The following KCNT2 variants were observed in gnomAD, a reference collection of about 807,000 sequenced individuals.
The protein encoded by KCNT2 is potassium sodium-activated channel subfamily T member 2, also known as potassium channel subfamily T member 2.
In KCNT2, 67 loss-of-function variants were observed where a neutral mutation model predicts 153.8. The observed-to-expected ratio is 0.44, with a 90% CI of 0.36 to 0.53. The LOEUF (loss-of-function observed/expected upper bound fraction) is 0.53. Among genes scored for constraint, KCNT2 ranks in the 20% least tolerant of loss-of-function variants. The pLI is 0.00. For synonymous variants in KCNT2, 500 were observed against 458.8 expected, an observed-to-expected ratio of 1.09 and a Z score of -1.15; for missense variants, 975 against 1,354.8, an observed-to-expected ratio of 0.72 and a Z score of 4.40.
chr1:196,369,594 C>T (rs1446880443), intron 14 of KCNT2, among the ~76,000 whole-genome samples: 6 of 151,482 alleles, frequency 4.0e-5, no homozygotes, highest in Non-Finnish European at 7.4e-5. Flanking sequence ...TTTGTTCCTG[C>T]GATAGTTTAC....
chr1:196,420,925 G>C, intron 12 of KCNT2, among the ~76,000 whole-genome samples: 1 of 151,974 alleles, frequency 6.6e-6, no homozygotes, highest in East Asian at 1.9e-4. Flanking sequence ...GATATGTACA[G>C]GGGTTCAAAG....
rs533460366 is a variant in KCNT2 at position 196,240,584 on chromosome 1, G to A, written c.3212-4514C>T. On this transcript the variant is annotated intron_variant, in intron 26 of 27. Transcript: ENST00000294725. ...GTGGGCATGCATAAATAGAGAAAGC[G>A]TGTTTTGAACAGATAGAAGGGCAAA... Among the ~76,000 whole-genome samples, 118 of 152,088 alleles carry A rather than the reference G, an allele frequency of 7.8e-4. 1 individual carries two copies. The highest frequency in any genetic ancestry group is 2.6e-3 in the African/African-American group (110 of 41,526).
At chr1:196,364,503 G>C (rs1667882156) in intron 14 of KCNT2, among the ~76,000 whole-genome samples, 1 of 152,026 alleles carries the variant, frequency 6.6e-6, no homozygotes. Context: ...TTCTACTGTG[G>C]CTGCAGATTT....
intron 26 of KCNT2, among the ~76,000 whole-genome samples, chr1:196,239,069 T>A (rs899546634): frequency 6.6e-5 from 10 of 151,888 alleles, no homozygotes; most frequent in African/African-American, 2.4e-4. Context: ...TACAAATTAA[T>A]TAAAATATGG....
At chr1:196,394,318 CTT>C (rs903742885) in intron 13 of KCNT2, among the ~76,000 whole-genome samples, 2 of 151,424 alleles carry the variant, frequency 1.3e-5, no homozygotes, top group African/African-American at 4.8e-5. Flanking sequence ...AAAAGGGACT[CTT>C]TTGAAATAGC....
intron 25 of KCNT2, among the ~76,000 whole-genome samples, chr1:196,277,893 G>C (rs2147856938): frequency 6.6e-6 from 1 of 151,962 alleles, no homozygotes; most frequent in East Asian, 1.9e-4. Flanking sequence ...AAACCTCAAT[G>C]TCTTTATTGG....
intron 14 of KCNT2, among the ~76,000 whole-genome samples, chr1:196,366,970 G>C (rs972137089): frequency 6.6e-6 from 1 of 152,116 alleles, no homozygotes; most frequent in Non-Finnish European, 1.5e-5. Flanking sequence ...AATTGGGTTT[G>C]GCAGTTAATG....
intron 1 of KCNT2, among the ~76,000 whole-genome samples, chr1:196,575,216 C>T (rs550495186): frequency 1.3e-5 from 2 of 152,246 alleles, no homozygotes; most frequent in South Asian, 2.1e-4. Context: ...GATCTCTATA[C>T]ACAATTATTG....
At chr1:196,474,510 C>T (rs1678366938) in intron 5 of KCNT2, among the ~76,000 whole-genome samples, 2 of 152,050 alleles carry the variant, frequency 1.3e-5, no homozygotes, top group African/African-American at 2.4e-5. Flanking sequence ...TTCAGGAGTC[C>T]TGGACTAAAT....
At chr1:196,242,739 C>A (rs1174326638) in intron 26 of KCNT2, among the ~76,000 whole-genome samples, 2 of 152,100 alleles carry the variant, frequency 1.3e-5, no homozygotes. Context: ...CCTTCACAGA[C>A]CCTTTTAGCA....
intron 25 of KCNT2, among the ~76,000 whole-genome samples, chr1:196,278,150 T>C (rs955885418): frequency 1.3e-5 from 2 of 152,186 alleles, no homozygotes; most frequent in East Asian, 3.9e-4. Context: ...ATAATTACTA[T>C]ATAGATCAAC....
chr1:196,461,214 T>C (rs181576714), intron 8 of KCNT2, among the ~76,000 whole-genome samples: 175 of 149,952 alleles, frequency 1.2e-3, no homozygotes, highest in African/African-American at 4.3e-3. Flanking sequence ...AGTGTTTAAA[T>C]AGGTTTTAAT....
chr1:196,437,487 C>T (rs12738109), intron 8 of KCNT2, among the ~76,000 whole-genome samples: 89,439 of 144,302 alleles, frequency 0.62, 28,424 homozygotes, highest in Non-Finnish European at 0.69. Flanking sequence ...CTATATCCCC[C>T]GCCTAAACAT....
chr1:196,479,074 G>T (rs1162138475), intron 5 of KCNT2, 105 bp downstream of exon 5: 2 of 726,736 alleles, frequency 2.8e-6, no homozygotes, highest in East Asian at 5.7e-5. Flanking sequence ...AGTGGCTCAA[G>T]AAGAGTCAGC....
chr1:196,497,664 A>G (rs537719088), intron 1 of KCNT2, among the ~76,000 whole-genome samples: 2 of 152,140 alleles, frequency 1.3e-5, no homozygotes, highest in South Asian at 2.1e-4. Context: ...ACTAAAAATT[A>G]TATCAGTAAT....
At chr1:196,467,572 G>A (rs755017256) in intron 7 of KCNT2, 131 bp downstream of exon 7, 3 of 484,560 alleles carry the variant, frequency 6.2e-6, no homozygotes, top group Non-Finnish European at 1.1e-5. Context: ...TGAGTTAAAC[G>A]TTATGGGAGA....
At chr1:196,409,204 A>G (rs1273271870) in intron 12 of KCNT2, among the ~76,000 whole-genome samples, 1 of 151,090 alleles carries the variant, frequency 6.6e-6, no homozygotes, top group African/African-American at 2.4e-5. Context: ...GTATTTGTGC[A>G]GTGTATCATT....
intron 13 of KCNT2, among the ~76,000 whole-genome samples, chr1:196,394,414 G>A (rs10801531): frequency 0.27 from 40,985 of 151,424 alleles, 5,945 homozygotes; most frequent in East Asian, 0.33. Context: ...ACAAGATGTG[G>A]GATTGGATGC....
At chr1:196,511,107 AAC>A (rs1681579376) in intron 1 of KCNT2, among the ~76,000 whole-genome samples, 1 of 104,732 alleles carries the variant, frequency 9.5e-6, no homozygotes, top group Non-Finnish European at 1.9e-5. Flanking sequence ...CACATACGTA[AAC>A]ACACACAACA....
Sources: gnomAD v4.1 joint callset for allele counts (sites outside exome capture counted in the v4.1 genomes callset) on GRCh38, gnomAD v4.1.1 for gene constraint, MANE v1.5 for transcripts, NCBI Gene and HGNC (gene_info 2026-07-23, HGNC 2026-07-21) for gene names.